PTPRD: variants seen among roughly 807,000 people sequenced by gnomAD.
The protein encoded by PTPRD is receptor-type tyrosine-protein phosphatase delta.
PTPRD carries 34 observed loss-of-function variants against 214.5 expected under a neutral mutation model. The ratio of observed to expected loss-of-function variants is 0.16; its 90% CI spans 0.12 to 0.21. The LOEUF (loss-of-function observed/expected upper bound fraction) is 0.21. Among genes scored for constraint, PTPRD ranks in the 10% least tolerant of loss-of-function variants. The probability of loss-of-function intolerance (pLI) is 1.00; values close to 1 mark genes in which losing one functional copy is unlikely to be tolerated. For missense variants in PTPRD, 2,545 were observed against 2,398.7 expected (o/e 1.06, Z -1.27); for synonymous variants, 1,128 against 845.7 (o/e 1.33, Z -5.79).
At chr9:8,806,113 C>T (rs977559031) in intron 11 of PTPRD, among the ~76,000 whole-genome samples, 34 of 151,360 alleles carry the variant, frequency 2.2e-4, no homozygotes, top group African/African-American at 4.9e-4. Context: ...TTAGTAGAGA[C>T]GGGGTTTCAT....
intron 7 of PTPRD, among the ~76,000 whole-genome samples, chr9:9,684,514 A>G (rs952880934): frequency 6.6e-6 from 1 of 151,656 alleles, no homozygotes; most frequent in Non-Finnish European, 1.5e-5. Flanking sequence ...GACTCTACCT[A>G]AGATAGTTGC....
intron 2 of PTPRD, among the ~76,000 whole-genome samples, chr9:10,572,837 T>C (rs1164043160): frequency 6.6e-6 from 1 of 152,144 alleles, no homozygotes; most frequent in Non-Finnish European, 1.5e-5. Context: ...TGAAACAGTG[T>C]CCATCCACAG....
chr9:9,365,314 T>C (rs565211491), intron 9 of PTPRD, among the ~76,000 whole-genome samples: 6 of 151,702 alleles, frequency 4.0e-5, no homozygotes, highest in African/African-American at 1.4e-4. Flanking sequence ...AGTGTGTAAA[T>C]GCAAACATAT....
chr9:10,079,457 A>G (rs1789675820), intron 3 of PTPRD, among the ~76,000 whole-genome samples: 2 of 152,096 alleles, frequency 1.3e-5, no homozygotes, highest in Admixed American at 1.3e-4. Flanking sequence ...CCTCCCCTGA[A>G]GCATCCAGGC....
At chr9:10,086,534 C>G (rs556279893) in intron 3 of PTPRD, among the ~76,000 whole-genome samples, 2 of 151,920 alleles carry the variant, frequency 1.3e-5, no homozygotes, top group East Asian at 2.0e-4. Flanking sequence ...CTGTCCCTTT[C>G]TAGCTGTTAT....
At chr9:10,365,096 A>G (rs1598199364) in intron 2 of PTPRD, among the ~76,000 whole-genome samples, 1 of 152,174 alleles carries the variant, frequency 6.6e-6, no homozygotes, top group East Asian at 1.9e-4. Context: ...AGGCGAGACT[A>G]CATTAGCTGA....
chr9:8,529,447 T>A (rs1040620038), intron 14 of PTPRD, among the ~76,000 whole-genome samples: 7 of 152,240 alleles, frequency 4.6e-5, no homozygotes, highest in African/African-American at 1.7e-4. Context: ...AACTCCTTAT[T>A]AATGGCACAA....
intron 4 of PTPRD, among the ~76,000 whole-genome samples, chr9:9,941,694 A>G (rs574209735): frequency 5.9e-5 from 9 of 152,254 alleles, no homozygotes; most frequent in South Asian, 4.2e-4. Flanking sequence ...CTCTTTTCCC[A>G]AAGGACAGAT....
At position 9,881,763 on chromosome 9, in the gene PTPRD, A is replaced by G. The variant is rs369728647; in HGVS notation, c.-368+56744T>C. 3.9e-5 allele frequency among the ~76,000 whole-genome samples: 6 copies of G among 152,282 alleles called. No individual in the cohort carries two copies. The East Asian group carries it at 9.7e-4, about 24-fold the overall frequency. On this transcript the variant is annotated intron_variant, in intron 5 of 45. Transcript: ENST00000381196. The stretch of plus-strand genomic sequence containing the variant: ...GGTTCTGCAGCTGGATTTTCAGAGT[A>G]ACCATATCATTTGCTTTAGCCAATG...
chr9:10,054,882 C>T (rs376473481), intron 3 of PTPRD, among the ~76,000 whole-genome samples: 77 of 152,110 alleles, frequency 5.1e-4, no homozygotes, highest in African/African-American at 1.7e-3. Context: ...AGTCCTCATA[C>T]CCTGTGTGAT....
At chr9:10,114,215 A>G (rs1406267869) in intron 3 of PTPRD, among the ~76,000 whole-genome samples, 1 of 152,164 alleles carries the variant, frequency 6.6e-6, no homozygotes, top group African/African-American at 2.4e-5. Flanking sequence ...CGAGAATATT[A>G]TGTGCCTTTA....
intron 11 of PTPRD, among the ~76,000 whole-genome samples, chr9:8,813,722 G>C (rs1025732470): frequency 3.9e-5 from 6 of 152,166 alleles, no homozygotes; most frequent in African/African-American, 1.4e-4. Context: ...TCTTAAAAAA[G>C]GGCCACATTT....
intron 9 of PTPRD, among the ~76,000 whole-genome samples, chr9:9,325,045 A>G (rs1006629693): frequency 3.3e-5 from 5 of 151,982 alleles, no homozygotes; most frequent in African/African-American, 1.2e-4. Context: ...TGTTCCATTG[A>G]TCTATATCTC....
rs1207726078 is a variant in PTPRD at position 8,360,014 on chromosome 9, T to C, written c.4661+15922A>G. ...AGGAGGCTACTCTCCAGGTTGTCTG[T>C]GGCTCTAGAATGTTTGTGGTGTCAT... On this transcript the variant is annotated intron_variant, in intron 39 of 45. Transcript: ENST00000381196. 3.3e-5 allele frequency among the ~76,000 whole-genome samples: 5 copies of C among 152,234 alleles called. No homozygotes were observed. In the East Asian group the frequency reaches 9.6e-4, roughly 29 times the overall value.
At position 8,474,787 on chromosome 9, in the gene PTPRD, A is replaced by C. The variant is rs78898042; in HGVS notation, c.3414-3702T>G. On this transcript the variant is annotated intron_variant, in intron 30 of 45. Transcript: ENST00000381196. ...GAATTCCCTCATCATCTGTCTACCA[A>C]AGTACAAGTCTATCTAGATCTGTAA... Among the ~76,000 whole-genome samples the C allele has an allele frequency of 2.4e-3, 371 of 152,246 alleles. 3 individuals carry two copies. The highest frequency in any genetic ancestry group is 4.6e-3 in the Non-Finnish European group (311 of 68,004).
At chr9:9,690,419 C>T (rs958867034) in intron 7 of PTPRD, among the ~76,000 whole-genome samples, 3 of 151,826 alleles carry the variant, frequency 2.0e-5, no homozygotes, top group African/African-American at 7.2e-5. Flanking sequence ...ATATTTTCAC[C>T]CATCCTGTGG....
intron 10 of PTPRD, among the ~76,000 whole-genome samples, chr9:9,172,778 G>C (rs73641226): frequency 0.012 from 1,778 of 152,102 alleles, 21 homozygotes; most frequent in African/African-American, 0.023. Flanking sequence ...CCATTTCTCT[G>C]ACTCCCAAAG....
At chr9:9,210,125 A>T (rs2099947564) in intron 9 of PTPRD, among the ~76,000 whole-genome samples, 2 of 152,156 alleles carry the variant, frequency 1.3e-5, no homozygotes, top group South Asian at 4.1e-4. Flanking sequence ...CTCCAGAGAA[A>T]CAAACAATTT....
intron 14 of PTPRD, among the ~76,000 whole-genome samples, chr9:8,573,223 A>G (rs2091609436): frequency 2.0e-5 from 3 of 152,156 alleles, no homozygotes; most frequent in Admixed American, 2.0e-4. Context: ...ACGTTCCAAA[A>G]ATTCTAAAAA....
Sources: allele counts gnomAD v4.1 joint callset (sites outside exome capture counted in the v4.1 genomes callset), GRCh38; gene constraint gnomAD v4.1.1; transcripts MANE v1.5; gene names NCBI Gene and HGNC (gene_info 2026-07-23, HGNC 2026-07-21).